GABPB1: variants seen among roughly 807,000 people sequenced by gnomAD.
The protein encoded by GABPB1 is GA-binding protein subunit beta-1.
In GABPB1, 15 loss-of-function variants were observed where a neutral mutation model predicts 45.9. That is an observed-to-expected ratio of 0.33 (90% CI 0.22 to 0.50). The LOEUF is 0.50. Ranked by LOEUF, GABPB1 falls within the 20% of genes least tolerant of loss-of-function variation. The pLI, the probability that GABPB1 is intolerant of heterozygous loss-of-function variation, is 0.98. For synonymous variants in GABPB1, 143 were observed against 154.4 expected (o/e 0.93, Z 0.55); for missense variants, 252 against 457.5 (o/e 0.55, Z 4.10).
At chr15:50,297,655 C>T (rs9672602) in intron 6 of GABPB1, among the ~76,000 whole-genome samples, 5 of 152,238 alleles carry the variant, frequency 3.3e-5, no homozygotes, top group South Asian at 4.1e-4. Flanking sequence ...GCCAACATGG[C>T]GAAACCCCAT....
intron 2 of GABPB1, among the ~76,000 whole-genome samples, chr15:50,307,569 G>A (rs1018239980): frequency 5.9e-5 from 9 of 152,004 alleles, no homozygotes; most frequent in Non-Finnish European, 7.4e-5. Flanking sequence ...GGGCTTGGTG[G>A]TGGGTGCCTG....
intron 1 of GABPB1, among the ~76,000 whole-genome samples, chr15:50,312,777 T>C (rs2047175833): frequency 6.6e-6 from 1 of 152,254 alleles, no homozygotes. Flanking sequence ...TCAGCATACA[T>C]ACTGCCAAAT....
intron 1 of GABPB1, among the ~76,000 whole-genome samples, chr15:50,316,326 G>A (rs898397526): frequency 6.6e-6 from 1 of 152,118 alleles, no homozygotes; most frequent in Non-Finnish European, 1.5e-5. Context: ...GTAATTTACA[G>A]CTTATAGAGT....
chr15:50,314,821 A>G (rs2047258657), intron 1 of GABPB1, among the ~76,000 whole-genome samples: 1 of 152,222 alleles, frequency 6.6e-6, no homozygotes, highest in Admixed American at 6.5e-5. Context: ...CATACTATAA[A>G]TCTATTTTGT....
intron 1 of GABPB1, among the ~76,000 whole-genome samples, chr15:50,346,749 T>C (rs34917130): frequency 0.091 from 13,803 of 151,378 alleles, 898 homozygotes; most frequent in Middle Eastern, 0.14. Flanking sequence ...CTTTTTGCTG[T>C]AACCTCATGT....
intron 1 of GABPB1, among the ~76,000 whole-genome samples, chr15:50,315,420 C>T (rs1011930149): frequency 6.6e-6 from 1 of 152,212 alleles, no homozygotes; most frequent in Non-Finnish European, 1.5e-5. Flanking sequence ...GCATGAGCCA[C>T]TGCACCCAGC....
intron 6 of GABPB1, among the ~76,000 whole-genome samples, chr15:50,297,549 A>C (rs56812974): frequency 6.6e-6 from 1 of 152,112 alleles, no homozygotes; most frequent in South Asian, 2.1e-4. Flanking sequence ...TATCTTCAAA[A>C]AGATTCCACT....
intron 1 of GABPB1, among the ~76,000 whole-genome samples, chr15:50,330,263 C>CT (rs2047904292): frequency 1.3e-5 from 2 of 152,052 alleles, no homozygotes; most frequent in Admixed American, 1.3e-4. Context: ...CTGTACTTTG[C>CT]TTTTTTTCCC....
intron 7 of GABPB1, among the ~76,000 whole-genome samples, chr15:50,289,272 T>C (rs751981194): frequency 4.6e-5 from 7 of 152,128 alleles, no homozygotes; most frequent in Non-Finnish European, 7.4e-5. Context: ...GAATTTTAAT[T>C]AGCCTAAGCA....
intron 1 of GABPB1, among the ~76,000 whole-genome samples, chr15:50,324,288 T>A (rs538203195): frequency 1.2e-4 from 18 of 152,204 alleles, no homozygotes; most frequent in South Asian, 2.1e-4. Context: ...TGAGTTACTA[T>A]TGTCTCCCAC....
intron 1 of GABPB1, chr15:50,349,892 C>A (rs2048757173): frequency 6.6e-6 from 1 of 152,152 alleles, no homozygotes; most frequent in South Asian, 2.1e-4. Context: ...AAAACAATCA[C>A]CTGTAAAACT....
At chr15:50,288,961 G>A (rs1477919802) in intron 7 of GABPB1, among the ~76,000 whole-genome samples, 2 of 151,862 alleles carry the variant, frequency 1.3e-5, no homozygotes, top group African/African-American at 2.4e-5. Flanking sequence ...AAGTAGCTGC[G>A]ACTATCAGCA....
chr15:50,353,687 A>T (rs1375068173), intron 1 of GABPB1: 1 of 152,194 alleles, frequency 6.6e-6, no homozygotes, highest in East Asian at 1.9e-4. Flanking sequence ...CGTCAGTGAG[A>T]AAAAAATTTA....
chr15:50,335,076 C>T (rs774361278), intron 1 of GABPB1, among the ~76,000 whole-genome samples: 11 of 152,168 alleles, frequency 7.2e-5, no homozygotes, highest in Admixed American at 1.3e-4. Flanking sequence ...CTGACAAGCA[C>T]CTGGAGTCAG....
At chr15:50,348,976 C>T (rs2048714918) in intron 1 of GABPB1, 1 of 151,954 alleles carries the variant, frequency 6.6e-6, no homozygotes, top group African/African-American at 2.4e-5. Context: ...ATTTACCATG[C>T]ACTATAAAAC....
chr15:50,305,127 C>T (rs8031031), intron 2 of GABPB1, among the ~76,000 whole-genome samples: 10,479 of 152,096 alleles, frequency 0.069, 610 homozygotes, highest in East Asian at 0.2. Context: ...CATTTAAAGG[C>T]ACAGAAAATC....
Position 50,278,786 on chromosome 15 carries a change from T to C in GABPB1, c.1000-2A>G. 6.4e-7 allele frequency: 1 copy of C among 1,571,182 alleles called. No homozygotes were observed. Among genetic ancestry groups the C allele is most frequent in the Non-Finnish European group, 8.6e-7 (1 of 1,167,674 alleles). ...CTGTTTCTGAAGAGCTTCTCTCTCC[T>C]AATTAAAAGAAGAGGGTTTTTTTTT... is the stretch of plus-strand genomic sequence containing the variant. On this transcript the variant is annotated splice_acceptor_variant, in intron 8 of 8. Transcript: ENST00000380877. LOFTEE classifies it high-confidence loss of function.
intron 1 of GABPB1, among the ~76,000 whole-genome samples, chr15:50,330,976 A>C (rs2047929284): frequency 6.6e-6 from 1 of 152,216 alleles, no homozygotes; most frequent in Non-Finnish European, 1.5e-5. Context: ...TTTTGGAGAA[A>C]GTGATTACAA....
At chr15:50,301,428 C>A in intron 4 of GABPB1, 60 bp from the exon 5 acceptor site, 1 of 1,415,936 alleles carries the variant, frequency 7.1e-7, no homozygotes, top group Non-Finnish European at 9.8e-7. Flanking sequence ...AGCACAAATT[C>A]TCCATATAAT....
Sources: gnomAD v4.1 joint callset for allele counts (sites outside exome capture counted in the v4.1 genomes callset) on GRCh38, gnomAD v4.1.1 for gene constraint, MANE v1.5 for transcripts, NCBI Gene and HGNC (gene_info 2026-07-23, HGNC 2026-07-21) for gene names.